Variants in PITPNM3 observed in about 807,000 individuals in gnomAD.
PITPNM3 encodes the protein membrane-associated phosphatidylinositol transfer protein 3.
In PITPNM3, 26 loss-of-function variants were observed where a neutral mutation model predicts 102.0. The observed-to-expected ratio is 0.25, with a 90% CI of 0.19 to 0.35. The LOEUF is 0.35. Ranked by LOEUF, PITPNM3 falls within the 10% of genes least tolerant of loss-of-function variation. The pLI is 1.00. For synonymous variants in PITPNM3, 578 were observed against 558.6 expected (o/e 1.03, Z -0.49); for missense variants, 1,083 against 1,346.1 (o/e 0.80, Z 3.06).
Position 6,470,359 on chromosome 17 carries a change from G to GCAGT in PITPNM3, c.1670_1673dup (p.Cys558Ter), listed in dbSNP as rs1161566991. ...TGGGGAAGGCCGTGAGGACATCAGG[G>GCAGT]CAGTACAGGGCATAGTCGATCCTCT... On this transcript the variant is annotated stop_gained and frameshift_variant, in exon 13 of 20. Coordinates refer to ENST00000262483, the MANE Select transcript of PITPNM3 (RefSeq NM_031220.4). LOFTEE classifies it high-confidence loss of function. The surrounding 1 kb of genome is among the most constrained non-coding windows in gnomAD (Gnocchi z 4.8). 1 of 1,614,064 alleles carries GCAGT rather than the reference G, an allele frequency of 6.2e-7. No individual in the cohort carries two copies. The highest frequency in any genetic ancestry group is 8.5e-7 in the Non-Finnish European group (1 of 1,180,034).
At chr17:6,522,973 A>G (rs1177004087) in intron 3 of PITPNM3, among the ~76,000 whole-genome samples, 1 of 152,056 alleles carries the variant, frequency 6.6e-6, no homozygotes, top group Non-Finnish European at 1.5e-5. Context: ...ATTGAAATGA[A>G]TGTGTGTGTT....
chr17:6,545,156 C>T (rs1909957604), intron 1 of PITPNM3, among the ~76,000 whole-genome samples: 1 of 152,208 alleles, frequency 6.6e-6, no homozygotes, highest in Non-Finnish European at 1.5e-5. Context: ...CCTCAGTCTC[C>T]TGCTCTGTAA....
chr17:6,472,528 C>T lies in PITPNM3; in HGVS notation c.1429+129G>A, dbSNP rs571067849. 8 of 1,276,416 alleles carry T rather than the reference C, an allele frequency of 6.3e-6. No individual in the cohort carries two copies. The highest frequency in any genetic ancestry group is 3.0e-5 in the African/African-American group (2 of 67,318). 79.1% of individuals were successfully genotyped at this position (1,276,416 alleles called of 1,614,324 possible). ...TGGGCGACTCTGAAGACAGAGGAGTCGGCTAACCTTCTGTTCTCACAGCCC... is the reference window on the plus strand; with the variant it reads ...TGGGCGACTCTGAAGACAGAGGAGTTGGCTAACCTTCTGTTCTCACAGCCC... On this transcript the variant is annotated intron_variant, in intron 11 of 19. Transcript: ENST00000262483. This position sits in a 1 kb window ranked among gnomAD's most constrained non-coding sequence, Gnocchi z 4.1.
chr17:6,509,610 A>G (rs3924261), intron 3 of PITPNM3, among the ~76,000 whole-genome samples: 84,548 of 151,332 alleles, frequency 0.56, 25,632 homozygotes, highest in Non-Finnish European at 0.69. Flanking sequence ...GAAGACCTGC[A>G]TGCTCCCTCC....
intron 4 of PITPNM3, among the ~76,000 whole-genome samples, chr17:6,490,908 G>A (rs1481066075): frequency 6.9e-6 from 1 of 144,576 alleles, no homozygotes; most frequent in Non-Finnish European, 1.5e-5. Context: ...GTTGCAGTGA[G>A]CCGAGATGGC....
intron 4 of PITPNM3, among the ~76,000 whole-genome samples, chr17:6,490,820 G>C (rs1309563027): frequency 6.6e-6 from 1 of 150,652 alleles, no homozygotes; most frequent in Admixed American, 6.6e-5. Flanking sequence ...CAGGCGTGGT[G>C]GTGGGCACGT....
chr17:6,489,954 A>G (rs1313427830), intron 4 of PITPNM3, among the ~76,000 whole-genome samples: 1 of 151,608 alleles, frequency 6.6e-6, no homozygotes, highest in Admixed American at 6.6e-5. Context: ...CAGTGAGCCG[A>G]GATCACACCA....
At position 6,470,242 on chromosome 17, in the gene PITPNM3, C is replaced by G. The variant is rs372584923; in HGVS notation, c.1773+18G>C. On this transcript the variant is annotated intron_variant, in intron 13 of 19. Coordinates refer to ENST00000262483, the MANE Select transcript of PITPNM3 (RefSeq NM_031220.4). This position sits in a 1 kb window ranked among gnomAD's most constrained non-coding sequence, Gnocchi z 4.8. ...CTTGGGGTGGCTGTGGGCAGGCCCG[C>G]GACTGCGGCAGCAGTACCTGTCTCA... The G allele has an allele frequency of 1.3e-6, 2 of 1,588,446 alleles. No homozygotes were observed. The highest frequency in any genetic ancestry group is 1.8e-5 in the Admixed American group (1 of 55,272).
Position 6,459,812 on chromosome 17 carries a change from C to T in PITPNM3, c.2490+1561G>A, listed in dbSNP as rs191835371. Among the ~76,000 whole-genome samples the T allele has an allele frequency of 1.5e-4, 23 of 152,228 alleles. 1 individual carries two copies. The highest frequency in any genetic ancestry group is 4.3e-4 in the African/African-American group (18 of 41,532). ...CCAGCACGGGCATCTTAGAACTCCT[C>T]GCTCCCTGCATCCAACCATCCCTGA... On this transcript the variant is annotated intron_variant, in intron 18 of 19. Coordinates refer to ENST00000262483, the MANE Select transcript of PITPNM3 (RefSeq NM_031220.4). The surrounding 1 kb of genome is among the most constrained non-coding windows in gnomAD (Gnocchi z 5.0).
rs201696609 is a variant in PITPNM3, at chr17:6,478,499, G to C, written c.777+48C>G. 7.7e-5 allele frequency: 123 copies of C among 1,603,058 alleles called. No homozygotes were observed. The African/African-American group carries it at 1.5e-3, about 20-fold the overall frequency. On this transcript the variant is annotated intron_variant, in intron 7 of 19. Coordinates refer to ENST00000262483, the MANE Select transcript of PITPNM3 (RefSeq NM_031220.4). This position sits in a 1 kb window ranked among gnomAD's most constrained non-coding sequence, Gnocchi z 4.4. Reference sequence around the variant, plus strand: ...TAGATTCCAGCCTCTCTCCCAGGCCGGGGCCGGAACAGGGGAGGGGAGAGG... The same window carrying C: ...TAGATTCCAGCCTCTCTCCCAGGCCCGGGCCGGAACAGGGGAGGGGAGAGG...
intron 4 of PITPNM3, among the ~76,000 whole-genome samples, chr17:6,501,431 C>G (rs1441508239): frequency 6.6e-6 from 1 of 152,154 alleles, no homozygotes; most frequent in Non-Finnish European, 1.5e-5. Flanking sequence ...CCCATATCCC[C>G]AACCACCTTC....
At position 6,459,457 on chromosome 17, in the gene PITPNM3, C is replaced by T. The variant is rs1407044218; in HGVS notation, c.2491-1735G>A. Among the ~76,000 whole-genome samples, 1 of 152,074 alleles carries T rather than the reference C, an allele frequency of 6.6e-6. No individual in the cohort carries two copies. On this transcript the variant is annotated intron_variant, in intron 18 of 19. Coordinates refer to ENST00000262483, the MANE Select transcript of PITPNM3 (RefSeq NM_031220.4). This position sits in a 1 kb window ranked among gnomAD's most constrained non-coding sequence, Gnocchi z 5.0. ...CAGCCTCTTCTAACGCCTCATCTCC[C>T]GTCTCATGGCTCCACTGATCCGTCT... is the stretch of plus-strand genomic sequence containing the variant.
In PITPNM3 at chr17:6,472,344, C is replaced by A. The variant is rs1490447466; in HGVS notation, c.1429+313G>T. On this transcript the variant is annotated intron_variant, in intron 11 of 19. Coordinates refer to ENST00000262483, the MANE Select transcript of PITPNM3 (RefSeq NM_031220.4). The surrounding 1 kb of genome is among the most constrained non-coding windows in gnomAD (Gnocchi z 4.1). ...CTACCCCTTCAGAGTCCAGGCTGGG[C>A]ACTCATAAAAAAAATAGATTGGAGC... Among the ~76,000 whole-genome samples the A allele has an allele frequency of 6.6e-6, 1 of 152,106 alleles. No individual in the cohort carries two copies. Among genetic ancestry groups the A allele is most frequent in the Non-Finnish European group, 1.5e-5 (1 of 67,998 alleles).
rs900865786 is a variant in PITPNM3, at chr17:6,478,019, T to C, written c.856A>G (p.Ser286Gly). 6.2e-7 allele frequency: 1 copy of C among 1,613,484 alleles called. No individual in the cohort carries two copies. Among genetic ancestry groups the C allele is most frequent in the African/African-American group, 1.3e-5 (1 of 74,948 alleles). ...ICYSAGPSGDSPASSSRKGSI... is the reference protein window; with the variant it reads ...ICYSAGPSGDGPASSSRKGSI... ...CCCTTCCGGCTGCTGCTGGCAGGGC[T>C]GTCCCCTGAGGGCCCCGCACTGTAG... Residue 286 changes from serine (S) to glycine (G), a missense_variant, in exon 8 of 20, where the codon AGC (serine) becomes GGC (glycine). Transcript: ENST00000262483. The surrounding 1 kb of genome is among the most constrained non-coding windows in gnomAD (Gnocchi z 4.4).
intron 2 of PITPNM3, among the ~76,000 whole-genome samples, chr17:6,528,563 GTA>G (rs1380813150): frequency 6.6e-6 from 1 of 151,774 alleles, no homozygotes; most frequent in Non-Finnish European, 1.5e-5. Flanking sequence ...GCATGTGTGA[GTA>G]TGTGCATATG....
At position 6,468,123 on chromosome 17, in the gene PITPNM3, A is replaced by C; in HGVS notation, c.1890+102T>G. 8.7e-7 allele frequency: 1 copy of C among 1,149,848 alleles called. No homozygotes were observed. Among genetic ancestry groups the C allele is most frequent in the South Asian group, 1.2e-5 (1 of 80,580 alleles). 71.2% of individuals were successfully genotyped at this position (1,149,848 alleles called of 1,614,324 possible). ...GTTTGGGTGCTGAGCTCTGAGGACA[A>C]ATTGAAGCGCTTACCTCCCATGTGG... On this transcript the variant is annotated intron_variant, in intron 14 of 19. Coordinates refer to ENST00000262483, the MANE Select transcript of PITPNM3 (RefSeq NM_031220.4). The surrounding 1 kb of genome is among the most constrained non-coding windows in gnomAD (Gnocchi z 5.2).
chr17:6,555,009 T>C (rs2150688266), intron 1 of PITPNM3, among the ~76,000 whole-genome samples: 1 of 152,244 alleles, frequency 6.6e-6, no homozygotes, highest in South Asian at 2.1e-4. Flanking sequence ...GGGCAGCAGA[T>C]GGGACACACG....
At chr17:6,548,107 A>G (rs1415907298) in intron 1 of PITPNM3, among the ~76,000 whole-genome samples, 1 of 152,184 alleles carries the variant, frequency 6.6e-6, no homozygotes, top group Non-Finnish European at 1.5e-5. Context: ...ATTAGCCTGG[A>G]GCAAACAGTA....
At position 6,470,459 on chromosome 17, in the gene PITPNM3, C is replaced by A. The variant is rs755528010; in HGVS notation, c.1625-51G>T. On this transcript the variant is annotated intron_variant, in intron 12 of 19. Transcript: ENST00000262483. The surrounding 1 kb of genome is among the most constrained non-coding windows in gnomAD (Gnocchi z 4.8). The stretch of plus-strand genomic sequence containing the variant: ...ATGCGTGGCCGGCCCGGGGCCTCAC[C>A]CGAGGGGCAGCGGGGTCTCCCATTG... 1.2e-6 allele frequency: 2 copies of A among 1,612,574 alleles called. No homozygotes were observed. Among genetic ancestry groups the A allele is most frequent in the East Asian group, 4.5e-5 (2 of 44,844 alleles).
Sources: gnomAD v4.1 joint callset for allele counts (sites outside exome capture counted in the v4.1 genomes callset) on GRCh38, gnomAD v4.1.1 for gene constraint, Gnocchi (gnomAD v3.1) non-coding constraint, MANE v1.5 for transcripts, NCBI Gene and HGNC (gene_info 2026-07-23, HGNC 2026-07-21) for gene names.